Variants in PAQR5 observed in about 807,000 individuals in gnomAD.
The protein encoded by PAQR5 is membrane progestin receptor gamma.
PAQR5 carries 20 observed loss-of-function variants against 34.5 expected under a neutral mutation model. That is an observed-to-expected ratio of 0.58 (90% CI 0.41 to 0.84). The LOEUF (loss-of-function observed/expected upper bound fraction) is 0.84. Ranked by LOEUF, PAQR5 falls within the 40% of genes least tolerant of loss-of-function variation. The pLI is 0.00. For missense variants in PAQR5, 378 were observed against 412.7 expected, an observed-to-expected ratio of 0.92 and a Z score of 0.73; for synonymous variants, 131 against 155.6, an observed-to-expected ratio of 0.84 and a Z score of 1.18.
chr15:69,305,882 G>C (rs1041349885), intron 1 of PAQR5, among the ~76,000 whole-genome samples: 4 of 152,218 alleles, frequency 2.6e-5, no homozygotes, highest in African/African-American at 9.6e-5. Context: ...ATCTTTGGCA[G>C]GGGGAGGGGT....
chr15:69,377,675 A>G lies in PAQR5; in HGVS notation c.52-2208A>G, dbSNP rs182937723. Among the ~76,000 whole-genome samples, 380 of 152,308 alleles carry G rather than the reference A, an allele frequency of 2.5e-3. 2 individuals are homozygous for G. Among genetic ancestry groups the G allele is most frequent in the African/African-American group, 8.9e-3 (372 of 41,570 alleles). ...CTAGCCAAGCCCTCTCATTTTACACAGAGGCCCTGAGAGCTGTGACCCAGG... is the reference window on the plus strand; with the variant it reads ...CTAGCCAAGCCCTCTCATTTTACACGGAGGCCCTGAGAGCTGTGACCCAGG... On this transcript the variant is annotated intron_variant, in intron 3 of 8. Transcript: ENST00000395407.
At chr15:69,323,591 T>C (rs7166992) in intron 1 of PAQR5, among the ~76,000 whole-genome samples, 64,479 of 152,020 alleles carry the variant, frequency 0.42, 14,217 homozygotes, top group African/African-American at 0.56. Context: ...TTTTAAGACC[T>C]GCCAAGAGTT....
rs900969118 is a variant in PAQR5, at chr15:69,406,705, T to TA, written c.*2891dup. On this transcript the variant is annotated 3_prime_UTR_variant, in exon 9 of 9. Transcript: ENST00000395407. The stretch of plus-strand genomic sequence containing the variant: ...GCAACAGAGCCAGACACTGTCTCTA[T>TA]AAAAAAAAGTTAAAACTAGCTGGTT... 9 of 151,948 alleles carry TA rather than the reference T, an allele frequency of 5.9e-5. No individual in the cohort carries two copies. The highest frequency in any genetic ancestry group is 3.9e-4 in the East Asian group (2 of 5,158). The allele number at this position is 151,948 out of a possible 1,614,324, so 9.4% of individuals were successfully genotyped here.
At chr15:69,302,349 A>G (rs1288210788) in intron 1 of PAQR5, among the ~76,000 whole-genome samples, 1 of 152,112 alleles carries the variant, frequency 6.6e-6, no homozygotes, top group Admixed American at 6.5e-5. Flanking sequence ...CTGGGATTAC[A>G]GGTGTGATCC....
At chr15:69,401,413 T>C (rs1182136642) in intron 8 of PAQR5, among the ~76,000 whole-genome samples, 1 of 152,208 alleles carries the variant, frequency 6.6e-6, no homozygotes, top group Non-Finnish European at 1.5e-5. Flanking sequence ...GGGTTGTAAC[T>C]AGTAAAATGC....
At chr15:69,362,456 A>T (rs1050907509) in intron 3 of PAQR5, among the ~76,000 whole-genome samples, 2 of 152,224 alleles carry the variant, frequency 1.3e-5, no homozygotes, top group African/African-American at 4.8e-5. Flanking sequence ...ATTAAAACAG[A>T]TGCACAGGTA....
intron 1 of PAQR5, among the ~76,000 whole-genome samples, chr15:69,306,182 T>A (rs2053711837): frequency 1.3e-5 from 2 of 151,814 alleles, no homozygotes; most frequent in Non-Finnish European, 2.9e-5. Context: ...CACCCAGCTG[T>A]GTTGCGGGGA....
chr15:69,352,686 ACTCTT>A (rs2054952710), intron 2 of PAQR5, among the ~76,000 whole-genome samples: 1 of 152,042 alleles, frequency 6.6e-6, no homozygotes, highest in East Asian at 1.9e-4. Flanking sequence ...AGTGAAGGGA[ACTCTT>A]CTCAGTTGGC....
intron 2 of PAQR5, among the ~76,000 whole-genome samples, chr15:69,341,134 A>T (rs1473296270): frequency 6.6e-6 from 1 of 152,024 alleles, no homozygotes; most frequent in Admixed American, 6.6e-5. Context: ...CATCTTCCCA[A>T]ATAGAAACTA....
At chr15:69,369,928 T>C (rs1403684892) in intron 3 of PAQR5, among the ~76,000 whole-genome samples, 3 of 152,212 alleles carry the variant, frequency 2.0e-5, no homozygotes, top group African/African-American at 2.4e-5. Context: ...GAGACTCTGA[T>C]GGTGAATGCA....
chr15:69,355,472 G>A (rs1191002128), intron 2 of PAQR5, among the ~76,000 whole-genome samples: 1 of 149,908 alleles, frequency 6.7e-6, no homozygotes, highest in African/African-American at 2.5e-5. Flanking sequence ...CCAGGCTGGA[G>A]TGTAGTGGTG....
At chr15:69,330,287 T>C (rs1475822732) in intron 1 of PAQR5, among the ~76,000 whole-genome samples, 1 of 152,242 alleles carries the variant, frequency 6.6e-6, no homozygotes, top group Non-Finnish European at 1.5e-5. Context: ...CTGTCTTTGT[T>C]CATTCCTGGG....
At chr15:69,313,150 AC>A (rs891390992) in intron 1 of PAQR5, among the ~76,000 whole-genome samples, 1 of 152,192 alleles carries the variant, frequency 6.6e-6, no homozygotes, top group Admixed American at 6.5e-5. Flanking sequence ...CCCAGTAAAG[AC>A]CCTGTCACGA....
chr15:69,390,396 C>T lies in PAQR5; in HGVS notation c.512+616C>T, dbSNP rs111739702. Among the ~76,000 whole-genome samples the T allele has an allele frequency of 8.5e-3, 1,270 of 149,480 alleles. 20 individuals carry two copies. The highest frequency in any genetic ancestry group is 0.028 in the African/African-American group (1,162 of 40,904). On this transcript the variant is annotated intron_variant, in intron 6 of 8. Transcript: ENST00000395407. ...ACAGGGTCTCTCTCTGTGGCCCAGGCTGGAATGCAGTGGTGCGATCTCAGC... is the reference window on the plus strand; with the variant it reads ...ACAGGGTCTCTCTCTGTGGCCCAGGTTGGAATGCAGTGGTGCGATCTCAGC...
chr15:69,302,008 G>A (rs1369639304), intron 1 of PAQR5, among the ~76,000 whole-genome samples: 2 of 151,388 alleles, frequency 1.3e-5, no homozygotes, highest in African/African-American at 4.9e-5. Flanking sequence ...ATGGGCTTGA[G>A]CCCCAGTCTG....
rs71149912 is a variant in PAQR5, at chr15:69,378,264, T to TAAAAAAAA, written c.52-1600_52-1593dup. Among the ~76,000 whole-genome samples, 106 of 59,684 alleles carry TAAAAAAAA rather than the reference T, an allele frequency of 1.8e-3. 7 individuals carry two copies. The highest frequency in any genetic ancestry group is 8.3e-3 in the African/African-American group (98 of 11,854). The allele number at this position is 59,684 out of a possible 152,430, so 39.2% of individuals were successfully genotyped here. A position where few individuals can be genotyped will look rare whatever the true frequency, so the allele number is the denominator to read the frequency against. ...TGGGCAACAAAATGAGACTCCATCT[T>TAAAAAAAA]AAAAAAAAAAAAAAAAAAAAAAAAA... On this transcript the variant is annotated intron_variant, in intron 3 of 8. Coordinates refer to ENST00000395407, the MANE Select transcript of PAQR5 (RefSeq NM_017705.4).
intron 1 of PAQR5, among the ~76,000 whole-genome samples, chr15:69,316,146 C>T (rs915022858): frequency 1.3e-5 from 2 of 152,148 alleles, no homozygotes; most frequent in East Asian, 3.9e-4. Context: ...AATGGTGTGA[C>T]CTTGGCTCAC....
At chr15:69,391,488 G>C in intron 6 of PAQR5, 1 of 294,078 alleles carries the variant, frequency 3.4e-6, no homozygotes, top group Non-Finnish European at 6.8e-6. Context: ...ATGAAGGGAG[G>C]TATAACAGAT....
intron 2 of PAQR5, among the ~76,000 whole-genome samples, chr15:69,358,624 C>T (rs1429699169): frequency 9.1e-5 from 4 of 43,968 alleles, no homozygotes; most frequent in African/African-American, 2.2e-4. Context: ...TTCTTTTCAG[C>T]TCTGTGGCAT....
Sources: allele counts gnomAD v4.1 joint callset (sites outside exome capture counted in the v4.1 genomes callset), GRCh38; gene constraint gnomAD v4.1.1; transcripts MANE v1.5; gene names NCBI Gene and HGNC (gene_info 2026-07-23, HGNC 2026-07-21).